The following SLC35D4 variants were observed in gnomAD, a reference collection of about 807,000 sequenced individuals.
SLC35D4 encodes UDP-N-acetylglucosamine transporter SLC35D4.
chr18:23,374,180 T>C, the SLC35D4 span, among the ~76,000 whole-genome samples: 2 of 152,254 alleles, frequency 1.3e-5, no homozygotes, highest in South Asian at 2.1e-4. Context: ...ACTACGGAAA[T>C]TGCATTAAAA....
the SLC35D4 span, chr18:23,399,641 A>T: frequency 1.9e-6 from 3 of 1,613,728 alleles, no homozygotes; most frequent in Non-Finnish European, 2.5e-6. Context: ...ACACAAGAAC[A>T]TGAGATCTGA....
chr18:23,420,500 A>T, the SLC35D4 span, among the ~76,000 whole-genome samples: 1 of 151,760 alleles, frequency 6.6e-6, no homozygotes, highest in East Asian at 1.9e-4. Flanking sequence ...CAGTCTCCCA[A>T]GTAGCAGGAA....
the SLC35D4 span, among the ~76,000 whole-genome samples, chr18:23,411,839 G>A: frequency 2.0e-5 from 3 of 152,010 alleles, no homozygotes; most frequent in African/African-American, 4.8e-5. Context: ...TGAGATGAAG[G>A]CTAATTAAAT....
the SLC35D4 span, among the ~76,000 whole-genome samples, chr18:23,394,136 G>A: frequency 2.6e-3 from 393 of 152,322 alleles, 1 homozygote; most frequent in Middle Eastern, 3.4e-3. Flanking sequence ...GCACCATACT[G>A]TTTTCCATAG....
At chr18:23,336,082 C>T in the SLC35D4 span, among the ~76,000 whole-genome samples, 2 of 148,152 alleles carry the variant, frequency 1.3e-5, no homozygotes, top group East Asian at 3.9e-4. Context: ...AAAAAAAAAA[C>T]AAGAACCTTA....
At chr18:23,384,679 G>A in the SLC35D4 span, among the ~76,000 whole-genome samples, 3 of 152,218 alleles carry the variant, frequency 2.0e-5, no homozygotes, top group Non-Finnish European at 4.4e-5. Flanking sequence ...TTGTCCTGTG[G>A]TGCTGGATTG....
At chr18:23,298,105 C>T in the SLC35D4 span, 14 of 1,612,458 alleles carry the variant, frequency 8.7e-6, no homozygotes, top group African/African-American at 1.3e-4. Flanking sequence ...TCCACTCCCC[C>T]GGGACCCCTG....
chr18:23,268,483 T>TG, the SLC35D4 span, among the ~76,000 whole-genome samples: 2 of 152,042 alleles, frequency 1.3e-5, no homozygotes, highest in Non-Finnish European at 2.9e-5. Context: ...TCTCTGAGGG[T>TG]GGGGTCTAGG....
chr18:23,271,440 C>T, the SLC35D4 span, among the ~76,000 whole-genome samples: 37 of 152,322 alleles, frequency 2.4e-4, no homozygotes, highest in African/African-American at 7.0e-4. Context: ...CATTAGCCCA[C>T]GGTGGAAAGC....
At chr18:23,256,194 G>A in the SLC35D4 span, among the ~76,000 whole-genome samples, 1 of 152,254 alleles carries the variant, frequency 6.6e-6, no homozygotes, top group Non-Finnish European at 1.5e-5. Context: ...CTGGGTTGAC[G>A]CCAAGGCAGA....
the SLC35D4 span, among the ~76,000 whole-genome samples, chr18:23,328,532 C>G: frequency 2.6e-5 from 4 of 152,138 alleles, no homozygotes; most frequent in African/African-American, 7.2e-5. Context: ...GAACTACATA[C>G]CACTGCTCAA....
the SLC35D4 span, among the ~76,000 whole-genome samples, chr18:23,371,958 C>T: frequency 2.0e-3 from 2 of 1,010 alleles, no homozygotes; most frequent in South Asian, 0.016. Flanking sequence ...TTTTTTGAGA[C>T]GGAGTCTCGC....
At chr18:23,280,816 C>G in the SLC35D4 span, among the ~76,000 whole-genome samples, 2 of 152,152 alleles carry the variant, frequency 1.3e-5, no homozygotes, top group Non-Finnish European at 2.9e-5. Context: ...ACCTGGCCAC[C>G]AGGTTTCTGG....
the SLC35D4 span, among the ~76,000 whole-genome samples, chr18:23,281,577 G>A: frequency 1.1e-4 from 16 of 152,196 alleles, no homozygotes; most frequent in East Asian, 1.9e-4. Flanking sequence ...TCTGCCTGCC[G>A]TGGCCTCCCC....
At chr18:23,342,822 G>A in the SLC35D4 span, among the ~76,000 whole-genome samples, 1 of 152,170 alleles carries the variant, frequency 6.6e-6, no homozygotes, top group African/African-American at 2.4e-5. Context: ...GACTAGTGAT[G>A]CCAAACACCT....
At chr18:23,356,752 C>T in the SLC35D4 span, 8 of 1,196,744 alleles carry the variant, frequency 6.7e-6, no homozygotes, top group African/African-American at 1.5e-5. This position sits in a 1 kb window ranked among gnomAD's most constrained non-coding sequence, Gnocchi z 4.1. Context: ...AGGAAGGCGT[C>T]TTTAGCAGTC....
the SLC35D4 span, among the ~76,000 whole-genome samples, chr18:23,418,635 G>A: frequency 3.3e-5 from 5 of 149,628 alleles, no homozygotes; most frequent in South Asian, 2.2e-4. Context: ...CACCACACCC[G>A]GTAGAGGAGC....
At chr18:23,414,353 G>T in the SLC35D4 span, among the ~76,000 whole-genome samples, 2 of 151,614 alleles carry the variant, frequency 1.3e-5, no homozygotes, top group African/African-American at 4.8e-5. Flanking sequence ...CAGGCAGGCA[G>T]GCAGGAAGGG....
the SLC35D4 span, among the ~76,000 whole-genome samples, chr18:23,348,295 G>C: frequency 6.6e-6 from 1 of 152,178 alleles, no homozygotes; most frequent in African/African-American, 2.4e-5. Flanking sequence ...TGAGAAGAAT[G>C]TGTATTCTGA....
Sources: allele counts gnomAD v4.1 joint callset (sites outside exome capture counted in the v4.1 genomes callset), GRCh38; gene constraint gnomAD v4.1.1; non-coding constraint Gnocchi (gnomAD v3.1); transcripts MANE v1.5; gene names NCBI Gene and HGNC (gene_info 2026-07-23, HGNC 2026-07-21).